Variants in CHCHD3 observed in about 807,000 individuals in gnomAD.
CHCHD3 encodes coiled-coil-helix-coiled-coil-helix domain containing 3, also known as MICOS complex subunit MIC19.
In CHCHD3, 20 loss-of-function variants were observed where a neutral mutation model predicts 38.2. The observed-to-expected ratio is 0.52, with a 90% CI of 0.37 to 0.76. CHCHD3 has a LOEUF of 0.76. Ranked by LOEUF, CHCHD3 falls within the 30% of genes least tolerant of loss-of-function variation. The probability of loss-of-function intolerance (pLI) is 0.00; values close to 1 mark genes in which losing one functional copy is unlikely to be tolerated. For missense variants in CHCHD3, 245 were observed against 279.2 expected (o/e 0.88, Z 0.87); for synonymous variants, 82 against 100.0 (o/e 0.82, Z 1.07).
intron 5 of CHCHD3, among the ~76,000 whole-genome samples, chr7:132,843,189 C>T (rs910638498): frequency 1.3e-5 from 2 of 152,124 alleles, no homozygotes; most frequent in Admixed American, 1.3e-4. Flanking sequence ...AGGGGCACAT[C>T]CACCACACCC....
At chr7:133,079,982 G>T (rs1815122077) in intron 1 of CHCHD3, among the ~76,000 whole-genome samples, 1 of 152,136 alleles carries the variant, frequency 6.6e-6, no homozygotes, top group Non-Finnish European at 1.5e-5. Flanking sequence ...TTTCAGGACT[G>T]GAAAATATTA....
chr7:132,891,454 G>A (rs899873644), intron 4 of CHCHD3, among the ~76,000 whole-genome samples: 1 of 152,170 alleles, frequency 6.6e-6, no homozygotes, highest in African/African-American at 2.4e-5. Flanking sequence ...AGACCAGAGA[G>A]ATGAAATACA....
At chr7:132,829,983 A>G (rs1469832564) in intron 6 of CHCHD3, among the ~76,000 whole-genome samples, 1 of 152,156 alleles carries the variant, frequency 6.6e-6, no homozygotes, top group Non-Finnish European at 1.5e-5. Context: ...GAGTAGAGAG[A>G]TAATGCAGAT....
At chr7:132,903,273 A>T (rs1809714402) in intron 4 of CHCHD3, among the ~76,000 whole-genome samples, 1 of 152,150 alleles carries the variant, frequency 6.6e-6, no homozygotes. Context: ...TGTAAATGCT[A>T]TGTAAGTAAT....
At chr7:132,841,410 A>G (rs1384507824) in intron 5 of CHCHD3, among the ~76,000 whole-genome samples, 2 of 145,476 alleles carry the variant, frequency 1.4e-5, no homozygotes, top group Non-Finnish European at 3.0e-5. Context: ...TCAAAAAAAA[A>G]AAAACAAACA....
At chr7:132,796,398 T>A in intron 7 of CHCHD3, 44 bp downstream of exon 7, 1 of 1,608,138 alleles carries the variant, frequency 6.2e-7, no homozygotes, top group Non-Finnish European at 8.5e-7. Context: ...TCATCCAGTT[T>A]TCAATTTGCC....
At chr7:132,996,020 G>T (rs1316225302) in intron 3 of CHCHD3, among the ~76,000 whole-genome samples, 2 of 152,100 alleles carry the variant, frequency 1.3e-5, no homozygotes, top group Non-Finnish European at 2.9e-5. Context: ...AAGTTCAATA[G>T]ATTACTCAAA....
chr7:133,010,301 A>C (rs1312993172), intron 3 of CHCHD3, among the ~76,000 whole-genome samples: 1 of 152,100 alleles, frequency 6.6e-6, no homozygotes, highest in Non-Finnish European at 1.5e-5. Flanking sequence ...GCATCATCTT[A>C]TAGGCCACAA....
chr7:133,027,398 AGG>A, intron 2 of CHCHD3, among the ~76,000 whole-genome samples: 1 of 120,716 alleles, frequency 8.3e-6, no homozygotes, highest in African/African-American at 3.2e-5. Context: ...AGAGAGAGAG[AGG>A]GAGAAAGAAA....
chr7:133,014,910 G>A (rs374623900), intron 3 of CHCHD3, among the ~76,000 whole-genome samples: 11 of 152,114 alleles, frequency 7.2e-5, no homozygotes, highest in South Asian at 4.1e-4. Context: ...AGTTCATGAG[G>A]CAGGGCACCA....
At chr7:132,879,698 A>G (rs1809001145) in intron 5 of CHCHD3, among the ~76,000 whole-genome samples, 1 of 135,530 alleles carries the variant, frequency 7.4e-6, no homozygotes, top group South Asian at 2.6e-4. Flanking sequence ...AATAACTATC[A>G]GAACACTTTG....
chr7:132,884,313 T>C (rs905818657), intron 5 of CHCHD3, among the ~76,000 whole-genome samples: 3 of 152,158 alleles, frequency 2.0e-5, no homozygotes, highest in African/African-American at 7.2e-5. Flanking sequence ...ACCCCAGCCC[T>C]GGGACTCTCT....
chr7:132,958,173 CA>C (rs1811228283), intron 4 of CHCHD3, among the ~76,000 whole-genome samples: 1 of 152,164 alleles, frequency 6.6e-6, no homozygotes, highest in African/African-American at 2.4e-5. Context: ...AACATCTCCA[CA>C]AAAGGCAGAG....
At position 132,835,234 on chromosome 7, in the gene CHCHD3, G is replaced by A. The variant is rs139234156; in HGVS notation, c.524+3165C>T. 7.9e-3 allele frequency among the ~76,000 whole-genome samples: 1,190 copies of A among 151,200 alleles called. 20 individuals carry two copies. Among genetic ancestry groups the A allele is most frequent in the African/African-American group, 0.027 (1,098 of 41,126 alleles). ...TGGGGTCAAGCAATCCACCCGCCTC[G>A]GCCTCCCTAAGTGCTGGGATTACAG... is the stretch of plus-strand genomic sequence containing the variant. On this transcript the variant is annotated intron_variant, in intron 6 of 7. Transcript: ENST00000262570.
chr7:132,914,281 C>G (rs1035524681), intron 4 of CHCHD3, among the ~76,000 whole-genome samples: 2 of 152,150 alleles, frequency 1.3e-5, no homozygotes, highest in Non-Finnish European at 2.9e-5. Context: ...AGCCGACACA[C>G]CCGGCCTAAG....
chr7:132,804,480 C>A (rs530257408), intron 6 of CHCHD3, among the ~76,000 whole-genome samples: 1 of 152,256 alleles, frequency 6.6e-6, no homozygotes, highest in East Asian at 1.9e-4. Context: ...GGTGAAATTT[C>A]ATTTGAGTAG....
At chr7:133,047,921 T>C (rs111667608) in intron 2 of CHCHD3, among the ~76,000 whole-genome samples, 3 of 152,160 alleles carry the variant, frequency 2.0e-5, no homozygotes, top group African/African-American at 4.8e-5. Flanking sequence ...AACTTCCGTC[T>C]CTACTAAAAA....
intron 5 of CHCHD3, among the ~76,000 whole-genome samples, chr7:132,869,980 C>A (rs984955200): frequency 6.6e-5 from 10 of 152,042 alleles, no homozygotes; most frequent in Non-Finnish European, 1.3e-4. Context: ...ATTATTGTAT[C>A]TATATTATAA....
chr7:132,853,187 C>A (rs1373406115), intron 5 of CHCHD3, among the ~76,000 whole-genome samples: 1 of 152,134 alleles, frequency 6.6e-6, no homozygotes, highest in Admixed American at 6.5e-5. Context: ...TCCGACTGAC[C>A]GCTGCAGAGT....
Sources: gnomAD v4.1 joint callset for allele counts (sites outside exome capture counted in the v4.1 genomes callset) on GRCh38, gnomAD v4.1.1 for gene constraint, MANE v1.5 for transcripts, NCBI Gene and HGNC (gene_info 2026-07-23, HGNC 2026-07-21) for gene names.